TACR3: variants seen among roughly 807,000 people sequenced by gnomAD.
TACR3 encodes the protein neuromedin-K receptor.
Under a neutral mutation model 35.0 loss-of-function variants are expected in TACR3, and 34 were observed. The ratio of observed to expected loss-of-function variants is 0.97; its 90% CI spans 0.74 to 1.30. TACR3 has a LOEUF of 1.30. TACR3 is among the 50% of genes most tolerant of loss of function. TACR3 has a pLI of 0.00. For missense variants in TACR3, 558 were observed against 591.7 expected, an observed-to-expected ratio of 0.94 and a Z score of 0.59; for synonymous variants, 233 against 221.1, an observed-to-expected ratio of 1.05 and a Z score of -0.48.
At chr4:103,680,518 TATATACAC>T (rs1722024795) in intron 1 of TACR3, among the ~76,000 whole-genome samples, 2 of 148,846 alleles carry the variant, frequency 1.3e-5, no homozygotes, top group Admixed American at 6.8e-5. Context: ...CACACATATA[TATATACAC>T]ATATATATAC....
At chr4:103,650,650 A>G (rs1235523265) in intron 3 of TACR3, among the ~76,000 whole-genome samples, 2 of 53,540 alleles carry the variant, frequency 3.7e-5, no homozygotes, top group Non-Finnish European at 5.9e-5. Context: ...TATTTAATAT[A>G]TATAAATATA....
chr4:103,634,109 T>C (rs1370561655), intron 3 of TACR3, among the ~76,000 whole-genome samples: 3 of 152,092 alleles, frequency 2.0e-5, no homozygotes, highest in African/African-American at 4.8e-5. Context: ...CCTTTTACTT[T>C]TGAGAGCACA....
At chr4:103,654,816 T>C (rs956886996) in intron 3 of TACR3, among the ~76,000 whole-genome samples, 5 of 151,970 alleles carry the variant, frequency 3.3e-5, no homozygotes, top group Non-Finnish European at 7.4e-5. Context: ...ACCTAAGATA[T>C]AGCTATAAGA....
At chr4:103,700,887 T>G (rs1447137017) in intron 1 of TACR3, among the ~76,000 whole-genome samples, 1 of 152,150 alleles carries the variant, frequency 6.6e-6, no homozygotes, top group East Asian at 1.9e-4. Flanking sequence ...TAGGTATTGA[T>G]GGGACGTATC....
chr4:103,688,856 C>G (rs539695784), intron 1 of TACR3, among the ~76,000 whole-genome samples: 2 of 152,100 alleles, frequency 1.3e-5, no homozygotes, highest in Non-Finnish European at 2.9e-5. Context: ...CCTCAGGGAT[C>G]TAGAACTAGA....
chr4:103,691,492 G>T (rs369940350), intron 1 of TACR3, among the ~76,000 whole-genome samples: 2 of 152,168 alleles, frequency 1.3e-5, no homozygotes, highest in African/African-American at 4.8e-5. Context: ...GCTTTCCTTT[G>T]TGATGATGAA....
intron 3 of TACR3, among the ~76,000 whole-genome samples, chr4:103,646,192 A>G (rs1725451695): frequency 6.6e-6 from 1 of 152,042 alleles, no homozygotes; most frequent in East Asian, 1.9e-4. Flanking sequence ...CTCTTTATCA[A>G]CACAAGCGGA....
chr4:103,610,854 A>T (rs544852280), intron 3 of TACR3, among the ~76,000 whole-genome samples: 1 of 152,156 alleles, frequency 6.6e-6, no homozygotes, highest in Admixed American at 6.5e-5. Flanking sequence ...ATGCATAACC[A>T]GTTTTCCTAG....
At chr4:103,625,795 T>G (rs1724877137) in intron 3 of TACR3, among the ~76,000 whole-genome samples, 1 of 151,806 alleles carries the variant, frequency 6.6e-6, no homozygotes. Context: ...GTTGAAGTCC[T>G]AACCCCCAGT....
At chr4:103,598,596 G>T (rs938143372) in intron 3 of TACR3, among the ~76,000 whole-genome samples, 15 of 151,998 alleles carry the variant, frequency 9.9e-5, no homozygotes, top group African/African-American at 2.7e-4. Context: ...GGTCTAACAT[G>T]TAAGTCTTTA....
intron 3 of TACR3, among the ~76,000 whole-genome samples, chr4:103,621,428 A>G (rs1484858475): frequency 6.6e-6 from 1 of 152,202 alleles, no homozygotes; most frequent in Non-Finnish European, 1.5e-5. Flanking sequence ...GTATTCATAA[A>G]TTCAGATTTT....
rs1383571483 is a variant in TACR3, at chr4:103,589,966, G to A, written c.1114C>T (p.Arg372Cys). 4 of 1,613,720 alleles carry A rather than the reference G, an allele frequency of 2.5e-6. No homozygotes were observed. The highest frequency in any genetic ancestry group is 2.2e-5 in the East Asian group (1 of 44,832). The change falls in exon 5 of 5, where the codon CGC (arginine) becomes TGC (cysteine). Residue 372 changes from arginine to cysteine, a missense_variant. By Grantham distance (180) the Arg-to-Cys change is radical. Coordinates refer to ENST00000304883, the MANE Select transcript of TACR3 (RefSeq NM_001059.3). ...RFRAGFKRAF[R>C]WCPFIKVSSY... ...GAAACTTTGATGAAAGGACACCAGC[G>A]AAATGCTCTCTTGAAGCCAGCTCGA... is the stretch of plus-strand genomic sequence containing the variant.
intron 3 of TACR3, among the ~76,000 whole-genome samples, chr4:103,607,078 A>G (rs1724391385): frequency 6.6e-6 from 1 of 152,164 alleles, no homozygotes; most frequent in African/African-American, 2.4e-5. Context: ...GGCTGGTTCA[A>G]TATACGCAAA....
chr4:103,616,997 C>T (rs1724674430), intron 3 of TACR3, among the ~76,000 whole-genome samples: 1 of 152,116 alleles, frequency 6.6e-6, no homozygotes, highest in Non-Finnish European at 1.5e-5. Flanking sequence ...CTCCACAAAT[C>T]TGAGATGACC....
At chr4:103,717,678 C>T (rs1229432944) in intron 1 of TACR3, among the ~76,000 whole-genome samples, 1 of 152,030 alleles carries the variant, frequency 6.6e-6, no homozygotes, top group African/African-American at 2.4e-5. Context: ...CATCAAAAAA[C>T]ATATACTATA....
intron 3 of TACR3, among the ~76,000 whole-genome samples, chr4:103,605,271 AAT>A (rs1476820252): frequency 8.5e-5 from 10 of 117,968 alleles, no homozygotes; most frequent in Non-Finnish European, 1.7e-4. Flanking sequence ...TATTGTGAAT[AAT>A]GCGGCAATAA....
Position 103,587,031 on chromosome 4 carries a change from G to C in TACR3, c.*2651C>G, listed in dbSNP as rs1164428573. On this transcript the variant is annotated 3_prime_UTR_variant, in exon 5 of 5. Transcript: ENST00000304883. ...TTTAACCATCTGCCTAGTAGTCTGA[G>C]CCAGTGTTTGCCTTCAAACAATGGA... The C allele has an allele frequency of 6.6e-6, 1 of 152,014 alleles. No homozygotes were observed. Among genetic ancestry groups the C allele is most frequent in the Non-Finnish European group, 1.5e-5 (1 of 68,008 alleles). 9.4% of individuals were successfully genotyped at this position (152,014 alleles called of 1,614,324 possible).
At chr4:103,715,025 A>G (rs1723058829) in intron 1 of TACR3, among the ~76,000 whole-genome samples, 1 of 152,198 alleles carries the variant, frequency 6.6e-6, no homozygotes, top group African/African-American at 2.4e-5. Flanking sequence ...CTACTTGGCC[A>G]TTACTATTCT....
intron 1 of TACR3, among the ~76,000 whole-genome samples, chr4:103,703,059 A>T (rs1318861881): frequency 6.6e-6 from 1 of 152,210 alleles, no homozygotes. Context: ...AATAAAAAAT[A>T]ATAAAATAAA....
Sources: allele counts gnomAD v4.1 joint callset (sites outside exome capture counted in the v4.1 genomes callset), GRCh38; gene constraint gnomAD v4.1.1; transcripts MANE v1.5; gene names NCBI Gene and HGNC (gene_info 2026-07-23, HGNC 2026-07-21).